AATF: variants seen among roughly 807,000 people sequenced by gnomAD.
AATF encodes the protein protein AATF.
A neutral mutation model predicts 63.7 loss-of-function variants in AATF; 48 were observed. The observed-to-expected ratio is 0.75, with a 90% confidence interval of 0.60 to 0.96. The LOEUF is 0.96. Among genes scored for constraint, AATF ranks in the 40% least tolerant of loss-of-function variants. The pLI, the probability that AATF is intolerant of heterozygous loss-of-function variation, is 0.00. For missense variants in AATF, 639 were observed against 685.7 expected (o/e 0.93, Z 0.76); for synonymous variants, 258 against 247.7 (o/e 1.04, Z -0.39).
chr17:36,989,238 T>C lies in AATF; in HGVS notation c.1150-9T>C. 6.2e-7 allele frequency: 1 copy of C among 1,609,538 alleles called. No homozygotes were observed. The highest frequency in any genetic ancestry group is 1.7e-5 in the Admixed American group (1 of 59,846). On this transcript the variant is annotated splice_polypyrimidine_tract_variant and intron_variant, in intron 6 of 11. Transcript: ENST00000619387. ...CTGCATTATCTGACACTGCTTAATG[T>C]TGTTGCAGGGTTTTGGTGCCTTTGA...
At chr17:36,986,785 CCAT>C in intron 5 of AATF, 54 bp downstream of exon 5, 1 of 1,446,296 alleles carries the variant, frequency 6.9e-7, no homozygotes, top group Non-Finnish European at 9.7e-7. Flanking sequence ...GGATAGTTTC[CCAT>C]CATTTATGAA....
intron 4 of AATF, among the ~76,000 whole-genome samples, chr17:36,971,473 A>C (rs951587868): frequency 6.6e-6 from 1 of 152,236 alleles, no homozygotes; most frequent in East Asian, 1.9e-4. Flanking sequence ...GCTGATGGGA[A>C]TGCAAAATAG....
intron 4 of AATF, among the ~76,000 whole-genome samples, chr17:36,969,700 A>G (rs1271345104): frequency 6.6e-6 from 1 of 152,252 alleles, no homozygotes; most frequent in Non-Finnish European, 1.5e-5. Context: ...CCATATGTCC[A>G]GTGTGTAATT....
At chr17:37,053,851 C>T (rs926434200) in intron 11 of AATF, among the ~76,000 whole-genome samples, 2 of 152,008 alleles carry the variant, frequency 1.3e-5, no homozygotes. Flanking sequence ...GGCGACAGAG[C>T]GAGACTCCAT....
At chr17:37,047,767 C>A (rs1376249464) in intron 11 of AATF, among the ~76,000 whole-genome samples, 1 of 152,186 alleles carries the variant, frequency 6.6e-6, no homozygotes, top group Admixed American at 6.5e-5. Flanking sequence ...AGCAGACACA[C>A]GGGGTAATTT....
At chr17:36,982,147 T>G (rs2071130243) in intron 4 of AATF, among the ~76,000 whole-genome samples, 1 of 152,108 alleles carries the variant, frequency 6.6e-6, no homozygotes, top group East Asian at 1.9e-4. Flanking sequence ...TCCCCAAGGT[T>G]TATCCATGTT....
intron 4 of AATF, among the ~76,000 whole-genome samples, chr17:36,962,312 A>G (rs2070954011): frequency 6.6e-6 from 1 of 152,236 alleles, no homozygotes; most frequent in South Asian, 2.1e-4. Flanking sequence ...CATTTATATA[A>G]TGTAGAGAGT....
intron 11 of AATF, chr17:37,052,188 G>A (rs1468331171): frequency 6.6e-6 from 1 of 152,170 alleles, no homozygotes; most frequent in African/African-American, 2.4e-5. Flanking sequence ...CAGGAATTAT[G>A]TGTTTTTTTA....
At chr17:36,981,067 G>C (rs8064525) in intron 4 of AATF, among the ~76,000 whole-genome samples, 21,558 of 152,006 alleles carry the variant, frequency 0.14, 4,878 homozygotes, top group African/African-American at 0.48. Flanking sequence ...ACATATGAGA[G>C]AGTATTAACA....
At chr17:37,021,678 G>A (rs1280158691) in intron 10 of AATF, among the ~76,000 whole-genome samples, 5 of 82,696 alleles carry the variant, frequency 6.0e-5, no homozygotes, top group Non-Finnish European at 1.1e-4. Context: ...AGTGGCGGGC[G>A]CCTGTAGTCC....
At position 36,966,220 on chromosome 17, in the gene AATF, T is replaced by A. The variant is rs189929496; in HGVS notation, c.832+12313T>A. Among the ~76,000 whole-genome samples, 589 of 152,242 alleles carry A rather than the reference T, an allele frequency of 3.9e-3. 1 individual carries two copies. The highest frequency in any genetic ancestry group is 0.016 in the East Asian group (84 of 5,182). On this transcript the variant is annotated intron_variant, in intron 4 of 11. Coordinates refer to ENST00000619387, the MANE Select transcript of AATF (RefSeq NM_012138.4). Reference sequence around the variant, plus strand: ...TTGAAGCTGATTTCCAGATTTTTTTTAAAAAAATCAATTTTTTAAGTTGTT... The same window carrying A: ...TTGAAGCTGATTTCCAGATTTTTTTAAAAAAAATCAATTTTTTAAGTTGTT...
chr17:36,960,029 C>A (rs184175537), intron 4 of AATF, among the ~76,000 whole-genome samples: 3 of 151,988 alleles, frequency 2.0e-5, no homozygotes, highest in East Asian at 3.9e-4. Flanking sequence ...TTTTTCCCCC[C>A]CCGAGATGGA....
chr17:36,987,745 T>C (rs2071180336), intron 5 of AATF, among the ~76,000 whole-genome samples: 1 of 152,110 alleles, frequency 6.6e-6, no homozygotes. Flanking sequence ...CCGCTTTGAG[T>C]TTTCTTCACA....
At chr17:37,017,437 T>C (rs377569989) in intron 8 of AATF, among the ~76,000 whole-genome samples, 1 of 152,312 alleles carries the variant, frequency 6.6e-6, no homozygotes, top group Non-Finnish European at 1.5e-5. Context: ...GGCAGCTGTT[T>C]ACACAGCAGC....
chr17:36,997,517 C>T (rs1478997570), intron 8 of AATF, among the ~76,000 whole-genome samples: 1 of 152,092 alleles, frequency 6.6e-6, no homozygotes, highest in East Asian at 1.9e-4. Flanking sequence ...ATCGAAAGCA[C>T]AATGCGATAC....
chr17:37,047,488 C>G (rs2071703259), intron 11 of AATF, among the ~76,000 whole-genome samples: 1 of 152,154 alleles, frequency 6.6e-6, no homozygotes, highest in Non-Finnish European at 1.5e-5. Context: ...CTTCTCGCCC[C>G]CATCCCTCTC....
rs59773430 is a variant in AATF, at chr17:37,051,697, GACAC to G, written c.1620-4875_1620-4872del. 2.3e-3 allele frequency among the ~76,000 whole-genome samples: 317 copies of G among 137,208 alleles called. 1 individual carries two copies. The highest frequency in any genetic ancestry group is 0.015 in the East Asian group (73 of 4,758). 90.0% of individuals were successfully genotyped at this position (137,208 alleles called of 152,430 possible). ...CCTAAGACAGACAGACAGACAGACA[GACAC>G]ACACACACACACACACACACACACA... On this transcript the variant is annotated intron_variant, in intron 11 of 11. Transcript: ENST00000619387.
At chr17:37,002,473 C>T (rs982541057) in intron 8 of AATF, among the ~76,000 whole-genome samples, 4 of 151,384 alleles carry the variant, frequency 2.6e-5, no homozygotes, top group Non-Finnish European at 5.9e-5. Flanking sequence ...TGAGACCATC[C>T]TGGCTAACAC....
chr17:37,036,849 A>G (rs2071596301), intron 11 of AATF, among the ~76,000 whole-genome samples: 1 of 152,064 alleles, frequency 6.6e-6, no homozygotes, highest in South Asian at 2.1e-4. Flanking sequence ...AGCATTCCCA[A>G]TATTGAAAGA....
Sources: allele counts gnomAD v4.1 joint callset (sites outside exome capture counted in the v4.1 genomes callset), GRCh38; gene constraint gnomAD v4.1.1; transcripts MANE v1.5; gene names NCBI Gene and HGNC (gene_info 2026-07-23, HGNC 2026-07-21).